MTCL1: variants seen among roughly 807,000 people sequenced by gnomAD.
MTCL1 encodes microtubule crosslinking factor 1, also known as microtubule cross-linking factor 1.
In MTCL1, 79 loss-of-function variants were observed where a neutral mutation model predicts 141.4. The observed-to-expected ratio is 0.56, with a 90% CI of 0.47 to 0.67. MTCL1 has a LOEUF of 0.67. Ranked by LOEUF, MTCL1 falls within the 30% of genes least tolerant of loss-of-function variation. The pLI, the probability that MTCL1 is intolerant of heterozygous loss-of-function variation, is 0.00. For missense variants in MTCL1, 2,177 were observed against 2,113.9 expected (o/e 1.03, Z -0.59); for synonymous variants, 914 against 875.8 (o/e 1.04, Z -0.77).
intron 4 of MTCL1, among the ~76,000 whole-genome samples, chr18:8,770,916 C>T (rs969534608): frequency 1.3e-5 from 2 of 151,740 alleles, no homozygotes; most frequent in East Asian, 3.9e-4. Context: ...GCAGGCTCCC[C>T]GGAACTATTA....
At position 8,825,411 on chromosome 18, in the gene MTCL1, G is replaced by A. The variant is rs114965084; in HGVS notation, c.3901G>A (p.Glu1301Lys). 9.1e-3 allele frequency: 14,106 copies of A among 1,545,512 alleles called. 78 individuals are homozygous for A. The highest frequency in any genetic ancestry group is 0.011 in the Non-Finnish European group (12,203 of 1,145,100). Reference sequence around the variant, plus strand: ...GAATGCCATCTGCTCCGGCCCTGGCGAGCTGCAAGTCAAGGACATGGCCTG... The same window carrying A: ...GAATGCCATCTGCTCCGGCCCTGGCAAGCTGCAAGTCAAGGACATGGCCTG... Residue 1301 changes from glutamate to lysine, a missense_variant, in exon 15 of 17, where the codon GAG becomes AAG. By Grantham distance (56) the Glu-to-Lys change is moderately conservative. Transcript: ENST00000359865.
intron 9 of MTCL1, among the ~76,000 whole-genome samples, chr18:8,797,620 AGT>A (rs2075971900): frequency 6.6e-6 from 1 of 152,224 alleles, no homozygotes; most frequent in Admixed American, 6.5e-5. Flanking sequence ...TCTAGGGAAC[AGT>A]GTATGTAATT....
rs1568059571 is a variant in MTCL1 at position 8,798,275 on chromosome 18, GA to G, written c.2421del (p.Gln808SerfsTer73). On this transcript the variant is annotated frameshift_variant, in exon 10 of 17. Transcript: ENST00000359865. LOFTEE classifies it high-confidence loss of function. ...TTGCGGCTGCAGACCGCGGACAGGG[GA>G]CAGCCCCACAAACAGGTGGGTACCT... 6.4e-7 allele frequency: 1 copy of G among 1,552,508 alleles called. No homozygotes were observed. The highest frequency in any genetic ancestry group is 1.2e-5 in the South Asian group (1 of 82,788).
In MTCL1 at chr18:8,825,586, C is replaced by T. The variant is rs116291960; in HGVS notation, c.4076C>T (p.Ser1359Leu). 481 of 1,613,566 alleles carry T rather than the reference C, an allele frequency of 3.0e-4. 5 individuals carry two copies. In the East Asian group the frequency reaches 5.6e-3, roughly 19 times the overall value. The change falls in exon 15 of 17, where the codon TCG becomes TTG. Residue 1359 changes from serine (S) to leucine (L), a missense_variant. By Grantham distance (145) the Ser-to-Leu change is moderately radical (BLOSUM62 -2). Transcript: ENST00000359865. ...GCTGGGGGCGGTGCTACACCCGTGT[C>T]GTCTCCTTCCCGGAGCCTTAGGAGC...
intron 4 of MTCL1, among the ~76,000 whole-genome samples, chr18:8,763,149 G>C (rs1244448797): frequency 1.3e-5 from 2 of 152,228 alleles, no homozygotes; most frequent in Admixed American, 1.3e-4. Flanking sequence ...AAGCAGGCCT[G>C]TGACAAGATG....
chr18:8,761,933 A>G (rs921332246), intron 4 of MTCL1, among the ~76,000 whole-genome samples: 1 of 152,248 alleles, frequency 6.6e-6, no homozygotes, highest in South Asian at 2.1e-4. Flanking sequence ...AAGGGGAGCC[A>G]TACAGTATTT....
chr18:8,721,493 T>C (rs2096172137), intron 4 of MTCL1, among the ~76,000 whole-genome samples: 1 of 152,204 alleles, frequency 6.6e-6, no homozygotes, highest in Non-Finnish European at 1.5e-5. Context: ...CCTCTCTGCT[T>C]CTGCCCCCAC....
intron 4 of MTCL1, among the ~76,000 whole-genome samples, 179 bp from the exon 4 acceptor site, chr18:8,777,654 A>G (rs1197642025): frequency 6.6e-6 from 1 of 152,214 alleles, no homozygotes; most frequent in Non-Finnish European, 1.5e-5. Context: ...AACTGCATTT[A>G]CACATTGATG....
At chr18:8,714,768 A>C (rs913554474), upstream of MTCL1, among the ~76,000 whole-genome samples, 1 of 151,666 alleles carries the variant, frequency 6.6e-6, no homozygotes, top group South Asian at 2.1e-4. Context: ...ACACAGCCAA[A>C]CCATATCATA....
At chr18:8,749,675 C>T (rs544528887) in intron 4 of MTCL1, among the ~76,000 whole-genome samples, 1 of 152,316 alleles carries the variant, frequency 6.6e-6, no homozygotes, top group South Asian at 2.1e-4. Flanking sequence ...GTTTGGCCAC[C>T]TGTAAATACC....
intron 4 of MTCL1, among the ~76,000 whole-genome samples, chr18:8,766,273 T>A (rs1416945987): frequency 6.6e-6 from 1 of 152,134 alleles, no homozygotes; most frequent in Non-Finnish European, 1.5e-5. Flanking sequence ...TCCTCCATCA[T>A]CCTCCATGTA....
At chr18:8,720,172 A>G (rs2096159689) in intron 3 of MTCL1, 166 bp from the exon 3 acceptor site, 1 of 634,642 alleles carries the variant, frequency 1.6e-6, no homozygotes, top group Non-Finnish European at 2.6e-6. Context: ...TCATTTTTAA[A>G]TGAATCTCCT....
Position 8,731,862 on chromosome 18 carries a change from C to G in MTCL1, c.357+11366C>G, listed in dbSNP as rs142583167. Among the ~76,000 whole-genome samples the G allele has an allele frequency of 2.9e-3, 435 of 152,118 alleles. 2 individuals carry two copies. The Middle Eastern group carries it at 0.031, about 11-fold the overall frequency. On this transcript the variant is annotated intron_variant, in intron 4 of 16. Coordinates refer to ENST00000359865, the Ensembl canonical transcript of MTCL1. ...TAGCTGGGATTACAGGTGTGCACCA[C>G]CACACCTGGCTAATTTTTGTATTTT...
At chr18:8,829,816 G>A (rs975659733) in intron 16 of MTCL1, 4 of 985,148 alleles carry the variant, frequency 4.1e-6, no homozygotes, top group South Asian at 9.4e-5. Context: ...GTGGCTTCTC[G>A]GGAAAGCGCA....
chr18:8,831,597 G>A lies in MTCL1; in HGVS notation c.*19-10G>A, dbSNP rs1598846732. The A allele has an allele frequency of 1.3e-6, 2 of 1,549,108 alleles. No homozygotes were observed. Among genetic ancestry groups the A allele is most frequent in the Non-Finnish European group, 1.7e-6 (2 of 1,146,098 alleles). On this transcript the variant is annotated splice_polypyrimidine_tract_variant and intron_variant, in intron 16 of 16. Coordinates refer to ENST00000359865, the Ensembl canonical transcript of MTCL1. ...CTGAGTAACCCTGTCTCCCTTTCTC[G>A]GCTCTGAAGGAACTACCTTGTTCTG...
At chr18:8,793,242 C>A (rs2075800111) in intron 8 of MTCL1, 122 bp downstream of exon 7, 1 of 1,368,512 alleles carries the variant, frequency 7.3e-7, no homozygotes, top group Non-Finnish European at 9.9e-7. Flanking sequence ...GACTCCTGGG[C>A]ACGTATGGAA....
intron 3 of MTCL1, 112 bp from the exon 3 acceptor site, chr18:8,720,226 G>T: frequency 1.0e-6 from 1 of 968,752 alleles, no homozygotes; most frequent in East Asian, 2.4e-5. Flanking sequence ...CAGGGTCTTT[G>T]CTATGTGGTG....
At position 8,779,904 on chromosome 18, in the gene MTCL1, G is replaced by A. The variant is rs1005614050; in HGVS notation, c.417+2012G>A. The stretch of plus-strand genomic sequence containing the variant: ...GGATCTTGCTGCTTTAACTGACCTG[G>A]GTTTAGGTTCATGGAGACGGAGGAG... On this transcript the variant is annotated intron_variant, in intron 5 of 16. Coordinates refer to ENST00000359865, the Ensembl canonical transcript of MTCL1. The surrounding 1 kb of genome is among the most constrained non-coding windows in gnomAD (Gnocchi z 4.1). 4.6e-5 allele frequency among the ~76,000 whole-genome samples: 7 copies of A among 152,080 alleles called. No individual in the cohort carries two copies. The highest frequency in any genetic ancestry group is 7.4e-5 in the Non-Finnish European group (5 of 68,026).
chr18:8,828,810 T>C lies in MTCL1; in HGVS notation c.4723-98T>C. The C allele has an allele frequency of 2.5e-6, 4 of 1,582,160 alleles. No individual in the cohort carries two copies. In the Admixed American group the frequency reaches 7.1e-5, roughly 28 times the overall value. Reference sequence around the variant, plus strand: ...TGAGCGAGAGGGATGGTCCTCTACCTCCGGGCTTGCTGACTTTAAACCTTT... The same window carrying C: ...TGAGCGAGAGGGATGGTCCTCTACCCCCGGGCTTGCTGACTTTAAACCTTT... On this transcript the variant is annotated intron_variant, in intron 15 of 16. Coordinates refer to ENST00000359865, the Ensembl canonical transcript of MTCL1. The surrounding 1 kb of genome is among the most constrained non-coding windows in gnomAD (Gnocchi z 5.2).
Sources: allele counts gnomAD v4.1 joint callset (sites outside exome capture counted in the v4.1 genomes callset), GRCh38; gene constraint gnomAD v4.1.1; non-coding constraint Gnocchi (gnomAD v3.1); transcripts MANE v1.5; gene names NCBI Gene and HGNC (gene_info 2026-07-23, HGNC 2026-07-21).